The following ASCC3 variants were observed in gnomAD, a reference collection of about 807,000 sequenced individuals.
The protein encoded by ASCC3 is ASC-1 complex subunit P200.
Under a neutral mutation model 256.3 loss-of-function variants are expected in ASCC3, and 158 were observed. That is an observed-to-expected ratio of 0.62 (90% CI 0.54 to 0.70). The LOEUF is 0.70. Ranked by LOEUF, ASCC3 falls within the 30% of genes least tolerant of loss-of-function variation. ASCC3 has a pLI of 0.00. For synonymous variants in ASCC3, 948 were observed against 883.4 expected (o/e 1.07, Z -1.30); for missense variants, 2,259 against 2,626.0 (o/e 0.86, Z 3.05).
intron 4 of ASCC3, among the ~76,000 whole-genome samples, chr6:100,820,948 A>G (rs1771009695): frequency 6.6e-6 from 1 of 152,212 alleles, no homozygotes; most frequent in Admixed American, 6.5e-5. Flanking sequence ...TAGAAAGGCT[A>G]TAAAAATGGA....
intron 14 of ASCC3, among the ~76,000 whole-genome samples, chr6:100,665,038 G>A (rs1478721043): frequency 1.3e-5 from 2 of 152,172 alleles, no homozygotes; most frequent in African/African-American, 4.8e-5. Flanking sequence ...TAGGACTGCT[G>A]TGGCACCAAT....
intron 3 of ASCC3, chr6:100,857,017 C>G (rs62422113): frequency 2.6e-5 from 4 of 152,226 alleles, no homozygotes; most frequent in African/African-American, 9.6e-5. Context: ...CAAACAGTTA[C>G]TCAAAGTGGT....
intron 37 of ASCC3, chr6:100,530,232 G>C: frequency 1.2e-6 from 1 of 821,256 alleles, no homozygotes; most frequent in South Asian, 1.4e-5. Context: ...CTGCTCATTC[G>C]CTCAGAGCCA....
chr6:100,778,048 T>C (rs993073243), intron 8 of ASCC3, among the ~76,000 whole-genome samples: 14 of 151,486 alleles, frequency 9.2e-5, no homozygotes, highest in African/African-American at 3.2e-4. Context: ...GAACCCAGGC[T>C]ATCTCTTCGA....
At chr6:100,664,124 G>T (rs1358115706) in intron 14 of ASCC3, among the ~76,000 whole-genome samples, 1 of 152,146 alleles carries the variant, frequency 6.6e-6, no homozygotes, top group African/African-American at 2.4e-5. Flanking sequence ...AACATTTAAA[G>T]AAATGTTTAT....
At chr6:100,533,248 G>A (rs1429110263) in intron 37 of ASCC3, among the ~76,000 whole-genome samples, 1 of 151,700 alleles carries the variant, frequency 6.6e-6, no homozygotes, top group Non-Finnish European at 1.5e-5. Context: ...TCATAAGGTT[G>A]GTACTAAGCA....
At chr6:100,644,217 G>T in intron 22 of ASCC3, 88 bp from the exon 23 acceptor site, 1 of 863,902 alleles carries the variant, frequency 1.2e-6, no homozygotes, top group Non-Finnish European at 2.0e-6. Flanking sequence ...AAGCTTTATT[G>T]ATATATCATT....
At chr6:100,598,370 T>G (rs1772423048) in intron 34 of ASCC3, among the ~76,000 whole-genome samples, 1 of 152,194 alleles carries the variant, frequency 6.6e-6, no homozygotes, top group Non-Finnish European at 1.5e-5. Flanking sequence ...ACTCATTTAT[T>G]TACATGGACT....
intron 36 of ASCC3, among the ~76,000 whole-genome samples, chr6:100,567,976 C>T (rs917668902): frequency 3.3e-5 from 5 of 152,166 alleles, no homozygotes; most frequent in African/African-American, 1.2e-4. Context: ...AACTGCTTTC[C>T]ACAGTGGCTG....
intron 13 of ASCC3, among the ~76,000 whole-genome samples, chr6:100,703,285 T>C (rs1368439645): frequency 6.6e-6 from 1 of 152,086 alleles, no homozygotes. Context: ...ATTTAAACAC[T>C]GTACAAAGCT....
At chr6:100,579,651 T>C (rs1440221700) in intron 36 of ASCC3, among the ~76,000 whole-genome samples, 1 of 152,106 alleles carries the variant, frequency 6.6e-6, no homozygotes, top group East Asian at 1.9e-4. Context: ...GATGTGTTGC[T>C]TCACTTCTGG....
At chr6:100,866,261 C>T (rs116229050) in intron 2 of ASCC3, among the ~76,000 whole-genome samples, 2 of 152,182 alleles carry the variant, frequency 1.3e-5, no homozygotes, top group African/African-American at 2.4e-5. Flanking sequence ...TGAGCCACAG[C>T]GCCTGGCCCT....
At chr6:100,853,294 A>T (rs1248958555) in intron 3 of ASCC3, among the ~76,000 whole-genome samples, 1 of 152,258 alleles carries the variant, frequency 6.6e-6, no homozygotes, top group Non-Finnish European at 1.5e-5. Flanking sequence ...AGTGGTTGTA[A>T]GTTGTCACTT....
At position 100,799,424 on chromosome 6, in the gene ASCC3, G is replaced by A. The variant is rs200776025; in HGVS notation, c.1269+7C>T. 373 of 1,611,384 alleles carry A rather than the reference G, an allele frequency of 2.3e-4. No individual in the cohort carries two copies. The African/African-American group carries it at 4.4e-3, about 19-fold the overall frequency. On this transcript the variant is annotated splice_region_variant and intron_variant, in intron 7 of 41. Coordinates refer to ENST00000369162, the MANE Select transcript of ASCC3 (RefSeq NM_006828.4). Reference sequence around the variant, plus strand: ...TATTGAACAGTAGTTATATAACAATGACATACCTTTGCACCAGCAATAAAT... The same window carrying A: ...TATTGAACAGTAGTTATATAACAATAACATACCTTTGCACCAGCAATAAAT...
intron 13 of ASCC3, among the ~76,000 whole-genome samples, chr6:100,709,996 C>A (rs928903589): frequency 6.6e-6 from 1 of 152,156 alleles, no homozygotes; most frequent in African/African-American, 2.4e-5. Flanking sequence ...CATTCAAAAA[C>A]AGAAACTGTG....
chr6:100,538,082 G>A (rs912871550), intron 37 of ASCC3, among the ~76,000 whole-genome samples: 11 of 151,968 alleles, frequency 7.2e-5, no homozygotes, highest in Admixed American at 2.6e-4. Context: ...AACTGATCAC[G>A]CAATATAGGT....
chr6:100,622,636 A>C (rs1473545230), intron 30 of ASCC3, among the ~76,000 whole-genome samples: 2 of 151,994 alleles, frequency 1.3e-5, no homozygotes, highest in Non-Finnish European at 2.9e-5. Flanking sequence ...TTGAAGAAAA[A>C]AATATAAAAA....
Position 100,544,895 on chromosome 6 carries a change from G to A in ASCC3, c.5551-4508C>T, listed in dbSNP as rs186277520. 2.2e-3 allele frequency among the ~76,000 whole-genome samples: 335 copies of A among 152,100 alleles called. 1 individual carries two copies. Among genetic ancestry groups the A allele is most frequent in the African/African-American group, 7.5e-3 (311 of 41,492 alleles). ...AAACCACAAAATATCTCTCATAAAC[G>A]TAAAAATTCTAAACAAAATTTTAGC... is the stretch of plus-strand genomic sequence containing the variant. On this transcript the variant is annotated intron_variant, in intron 36 of 41. Coordinates refer to ENST00000369162, the MANE Select transcript of ASCC3 (RefSeq NM_006828.4).
intron 13 of ASCC3, among the ~76,000 whole-genome samples, chr6:100,680,736 C>T (rs1777258282): frequency 6.6e-6 from 1 of 152,188 alleles, no homozygotes; most frequent in Non-Finnish European, 1.5e-5. Context: ...TCTGGAATCA[C>T]TAAGGTATTC....
Sources: gnomAD v4.1 joint callset for allele counts (sites outside exome capture counted in the v4.1 genomes callset) on GRCh38, gnomAD v4.1.1 for gene constraint, MANE v1.5 for transcripts, NCBI Gene and HGNC (gene_info 2026-07-23, HGNC 2026-07-21) for gene names.